CNTNAP2: variants seen among roughly 807,000 people sequenced by gnomAD.
The protein encoded by CNTNAP2 is contactin associated protein 2, also known as contactin-associated protein-like 2.
In CNTNAP2, 98 loss-of-function variants were observed where a neutral mutation model predicts 155.2. The ratio of observed to expected loss-of-function variants is 0.63; its 90% CI spans 0.54 to 0.75. The LOEUF (loss-of-function observed/expected upper bound fraction) is 0.75, where lower values mean the gene tolerates loss of function less well. Among genes scored for constraint, CNTNAP2 ranks in the 30% least tolerant of loss-of-function variants. The pLI is 0.00. For synonymous variants in CNTNAP2, 651 were observed against 631.2 expected (o/e 1.03, Z -0.47); for missense variants, 1,727 against 1,688.1 (o/e 1.02, Z -0.40).
chr7:146,647,242 A>T (rs1799829985), intron 1 of CNTNAP2, among the ~76,000 whole-genome samples: 1 of 152,176 alleles, frequency 6.6e-6, no homozygotes, highest in African/African-American at 2.4e-5. Context: ...TTAGGGCTCC[A>T]TTCTGGACTT....
intron 8 of CNTNAP2, among the ~76,000 whole-genome samples, chr7:147,249,623 AAAG>A (rs1043082542): frequency 1.3e-5 from 2 of 149,726 alleles, no homozygotes; most frequent in African/African-American, 2.5e-5. Flanking sequence ...AAAAAAAAAA[AAAG>A]GTTTCAGCAC....
chr7:147,790,483 C>T (rs1268867283), intron 13 of CNTNAP2, among the ~76,000 whole-genome samples: 6 of 152,172 alleles, frequency 3.9e-5, no homozygotes, highest in African/African-American at 1.4e-4. Context: ...TGGCTCACCT[C>T]CCTGCTAAAA....
chr7:146,857,923 T>C (rs577820549), intron 3 of CNTNAP2, among the ~76,000 whole-genome samples: 1 of 151,562 alleles, frequency 6.6e-6, no homozygotes, highest in African/African-American at 2.4e-5. Flanking sequence ...AAGAATTTCC[T>C]GAAAGTCAAT....
At chr7:148,233,031 GGCA>G (rs1795989859) in intron 20 of CNTNAP2, among the ~76,000 whole-genome samples, 2 of 152,194 alleles carry the variant, frequency 1.3e-5, no homozygotes, top group Non-Finnish European at 2.9e-5. Context: ...TACCTCCAGT[GGCA>G]TCATTTGTGA....
chr7:147,043,280 T>TA (rs1008047270), intron 3 of CNTNAP2, among the ~76,000 whole-genome samples: 8 of 150,084 alleles, frequency 5.3e-5, no homozygotes, highest in South Asian at 2.1e-4. Context: ...AAAATAAAAT[T>TA]AAAAAAAAAG....
intron 8 of CNTNAP2, among the ~76,000 whole-genome samples, chr7:147,140,227 T>C (rs979176737): frequency 2.0e-5 from 3 of 152,178 alleles, no homozygotes; most frequent in Middle Eastern, 6.8e-3. Flanking sequence ...TTCTAGTCTT[T>C]CTTCTAGCAC....
intron 1 of CNTNAP2, among the ~76,000 whole-genome samples, chr7:146,638,330 C>T (rs563832440): frequency 3.0e-4 from 45 of 151,976 alleles, no homozygotes; most frequent in Non-Finnish European, 6.2e-4. Flanking sequence ...ACAAAGTAGG[C>T]GGGATATGAA....
At chr7:148,369,541 T>C (rs977046647) in intron 21 of CNTNAP2, among the ~76,000 whole-genome samples, 10 of 151,970 alleles carry the variant, frequency 6.6e-5, no homozygotes, top group Non-Finnish European at 1.5e-5. Context: ...GTTATCATTA[T>C]TAAGCATTCA....
At chr7:146,434,904 A>G (rs1206688628) in intron 1 of CNTNAP2, among the ~76,000 whole-genome samples, 2 of 152,344 alleles carry the variant, frequency 1.3e-5, no homozygotes, top group Admixed American at 6.5e-5. Context: ...GCACTCATTC[A>G]GGGCCGCTCT....
intron 1 of CNTNAP2, among the ~76,000 whole-genome samples, chr7:146,738,958 C>T (rs1376948285): frequency 1.3e-5 from 2 of 151,330 alleles, no homozygotes; most frequent in Non-Finnish European, 3.0e-5. Context: ...TTTGATGATC[C>T]TTTGTATTTC....
chr7:146,992,884 C>T (rs898804510), intron 3 of CNTNAP2, among the ~76,000 whole-genome samples: 4 of 152,066 alleles, frequency 2.6e-5, no homozygotes, highest in Admixed American at 6.6e-5. Flanking sequence ...GAATGTATTC[C>T]TCACATTGTA....
At chr7:146,430,920 G>A (rs1230098163) in intron 1 of CNTNAP2, among the ~76,000 whole-genome samples, 2 of 151,836 alleles carry the variant, frequency 1.3e-5, no homozygotes, top group South Asian at 2.1e-4. Context: ...TAATCTATTC[G>A]TCGTCACTGT....
intron 8 of CNTNAP2, among the ~76,000 whole-genome samples, chr7:147,231,725 G>A (rs1412008518): frequency 6.6e-6 from 1 of 152,124 alleles, no homozygotes; most frequent in Non-Finnish European, 1.5e-5. Context: ...CCATTTATAT[G>A]TCTTTGCTGG....
At chr7:146,236,495 T>C (rs1799475711) in intron 1 of CNTNAP2, among the ~76,000 whole-genome samples, 1 of 152,204 alleles carries the variant, frequency 6.6e-6, no homozygotes, top group Non-Finnish European at 1.5e-5. Flanking sequence ...TACACAGTCA[T>C]ATTTTAATGG....
intron 1 of CNTNAP2, among the ~76,000 whole-genome samples, chr7:146,652,732 A>G (rs1046007644): frequency 1.3e-5 from 2 of 152,200 alleles, no homozygotes; most frequent in African/African-American, 4.8e-5. Flanking sequence ...ATAGATCATG[A>G]CAGAAATCAA....
chr7:146,252,499 C>T (rs1799771153), intron 1 of CNTNAP2, among the ~76,000 whole-genome samples: 1 of 152,046 alleles, frequency 6.6e-6, no homozygotes, highest in African/African-American at 2.4e-5. Context: ...ACTCTGTTTT[C>T]GGAAATACCT....
At chr7:146,989,170 A>G (rs911340512) in intron 3 of CNTNAP2, among the ~76,000 whole-genome samples, 6 of 152,126 alleles carry the variant, frequency 3.9e-5, no homozygotes, top group Non-Finnish European at 8.8e-5. Flanking sequence ...AGGAGCATGT[A>G]GGGGTGCTCT....
chr7:146,918,656 C>T (rs566187219), intron 3 of CNTNAP2, among the ~76,000 whole-genome samples: 1 of 152,160 alleles, frequency 6.6e-6, no homozygotes, highest in Non-Finnish European at 1.5e-5. Context: ...GACAATGTGC[C>T]TAGGCAGTGA....
intron 1 of CNTNAP2, among the ~76,000 whole-genome samples, chr7:146,494,785 A>G (rs1339149715): frequency 1.3e-5 from 2 of 152,258 alleles, no homozygotes; most frequent in Non-Finnish European, 2.9e-5. Context: ...GGAATGCTTT[A>G]AAATACATTT....
Sources: allele counts gnomAD v4.1 joint callset (sites outside exome capture counted in the v4.1 genomes callset), GRCh38; gene constraint gnomAD v4.1.1; transcripts MANE v1.5; gene names NCBI Gene and HGNC (gene_info 2026-07-23, HGNC 2026-07-21).